Variants in ATP2B1 observed in about 807,000 individuals in gnomAD.
ATP2B1 encodes the protein plasma membrane calcium-transporting ATPase 1.
ATP2B1 carries 14 observed loss-of-function variants against 124.2 expected under a neutral mutation model. The ratio of observed to expected loss-of-function variants is 0.11; its 90% CI spans 0.07 to 0.18. ATP2B1 has a LOEUF of 0.18. Among genes scored for constraint, ATP2B1 ranks in the 10% least tolerant of loss-of-function variants. The pLI is 1.00. For missense variants in ATP2B1, 763 were observed against 1,466.1 expected, an observed-to-expected ratio of 0.52 and a Z score of 7.83; for synonymous variants, 449 against 492.4, an observed-to-expected ratio of 0.91 and a Z score of 1.17.
chr12:89,699,687 T>C (rs1891587879), intron 1 of ATP2B1, among the ~76,000 whole-genome samples: 1 of 152,124 alleles, frequency 6.6e-6, no homozygotes, highest in Non-Finnish European at 1.5e-5. Flanking sequence ...GTCCTTAACA[T>C]ATCATGGAGT....
At chr12:89,614,113 G>GA (rs1369573272) in intron 12 of ATP2B1, among the ~76,000 whole-genome samples, 3 of 152,178 alleles carry the variant, frequency 2.0e-5, no homozygotes, top group African/African-American at 7.2e-5. Context: ...TCCAAAGAAT[G>GA]AAAGTTGCAG....
At chr12:89,694,804 C>G (rs1184959251) in intron 1 of ATP2B1, among the ~76,000 whole-genome samples, 7 of 152,102 alleles carry the variant, frequency 4.6e-5, no homozygotes, top group Non-Finnish European at 1.0e-4. Flanking sequence ...CGCCTGTAAT[C>G]CCAGCACTTT....
At position 89,603,998 on chromosome 12, in the gene ATP2B1, G is replaced by T; in HGVS notation, c.2635-73C>A. On this transcript the variant is annotated intron_variant, in intron 16 of 20. Coordinates refer to ENST00000428670, the MANE Select transcript of ATP2B1 (RefSeq NM_001366521.1). This position sits in a 1 kb window ranked among gnomAD's most constrained non-coding sequence, Gnocchi z 4.3. Reference sequence around the variant, plus strand: ...TCAGCAATTCTCAGGAAACCTTTAGGGTTTAAAAACTTGAGAAACAGAACA... The same window carrying T: ...TCAGCAATTCTCAGGAAACCTTTAGTGTTTAAAAACTTGAGAAACAGAACA... 1.3e-6 allele frequency: 2 copies of T among 1,495,926 alleles called. No homozygotes were observed. The highest frequency in any genetic ancestry group is 1.2e-5 in the South Asian group (1 of 80,134). The allele number at this position is 1,495,926 out of a possible 1,614,324, so 92.7% of individuals were successfully genotyped here. A position where few individuals can be genotyped will look rare whatever the true frequency, so the allele number is the denominator to read the frequency against.
rs367554417 is a variant in ATP2B1, at chr12:89,619,618, T to TAAAAAAAAAA, written c.1829+371_1829+380dup. Among the ~76,000 whole-genome samples the TAAAAAAAAAA allele has an allele frequency of 2.1e-4, 26 of 122,808 alleles. 1 individual carries two copies. The highest frequency in any genetic ancestry group is 7.8e-3 in the Middle Eastern group (2 of 256). The allele number at this position is 122,808 out of a possible 152,430, so 80.6% of individuals were successfully genotyped here. ...ACAGGGAAACTCCACCTTAAACAAA[T>TAAAAAAAAAA]AAAAAAAAAAAAAAAAAGAAAGAAA... On this transcript the variant is annotated intron_variant, in intron 11 of 20. Transcript: ENST00000428670.
chr12:89,677,971 T>TATATATATATATACATATATATAC (rs1461216851), intron 1 of ATP2B1, among the ~76,000 whole-genome samples: 1 of 52,308 alleles, frequency 1.9e-5, no homozygotes, highest in Non-Finnish European at 4.0e-5. Context: ...TATATATATA[T>TATATATATATATACATATATATAC]ACACACACAC....
At chr12:89,676,367 A>G (rs1196273614) in intron 1 of ATP2B1, among the ~76,000 whole-genome samples, 4 of 152,180 alleles carry the variant, frequency 2.6e-5, no homozygotes, top group African/African-American at 9.7e-5. Flanking sequence ...GCAGCATCAG[A>G]TACAACTGCA....
intron 1 of ATP2B1, among the ~76,000 whole-genome samples, chr12:89,687,732 A>G (rs1168405509): frequency 6.6e-6 from 1 of 152,168 alleles, no homozygotes; most frequent in African/African-American, 2.4e-5. Context: ...ACATGGGATT[A>G]AAATAAATGC....
intron 2 of ATP2B1, 168 bp downstream of exon 2, chr12:89,655,511 T>A: frequency 4.6e-6 from 3 of 648,376 alleles, no homozygotes; most frequent in Non-Finnish European, 7.9e-6. Context: ...TATGTGTTAA[T>A]ATAAAAATAC....
intron 10 of ATP2B1, 136 bp from the exon 11 acceptor site, chr12:89,620,376 T>C (rs1879761503): frequency 1.7e-6 from 2 of 1,158,344 alleles, no homozygotes; most frequent in South Asian, 1.7e-5. Flanking sequence ...AAGAAGGATA[T>C]AGAAAAGTAA....
intron 3 of ATP2B1, among the ~76,000 whole-genome samples, chr12:89,638,995 C>A (rs577711558): frequency 6.6e-6 from 1 of 152,240 alleles, no homozygotes; most frequent in East Asian, 1.9e-4. Context: ...AGTTTGAGAA[C>A]TCCTGTTAAG....
chr12:89,617,107 A>G lies in ATP2B1; in HGVS notation c.1830-68T>C, dbSNP rs1380365671. ...ATAATGGTTAATGCCATTTAAGTGA[A>G]CTGGCAGGCCTAGAAATCATGGGAT... On this transcript the variant is annotated intron_variant, in intron 11 of 20. Transcript: ENST00000428670. 12 of 1,202,602 alleles carry G rather than the reference A, an allele frequency of 1.0e-5. No individual in the cohort carries two copies. The Admixed American group carries it at 2.1e-4, about 21-fold the overall frequency. 74.5% of individuals were successfully genotyped at this position (1,202,602 alleles called of 1,614,324 possible).
intron 1 of ATP2B1, among the ~76,000 whole-genome samples, chr12:89,693,599 T>C (rs1344351093): frequency 2.6e-5 from 1 of 38,368 alleles, no homozygotes; most frequent in South Asian, 2.1e-3. Context: ...TCTTATTTTT[T>C]ACTTTAAAAA....
intron 13 of ATP2B1, 64 bp from the exon 14 acceptor site, chr12:89,610,572 C>CT (rs1395322056): frequency 6.1e-6 from 8 of 1,319,682 alleles, no homozygotes; most frequent in Middle Eastern, 1.9e-4. Context: ...AATGAGCTAT[C>CT]TGGCATATTT....
chr12:89,694,592 G>A (rs945632292), intron 1 of ATP2B1, among the ~76,000 whole-genome samples: 1 of 152,132 alleles, frequency 6.6e-6, no homozygotes, highest in African/African-American at 2.4e-5. Flanking sequence ...TAAATCTAGG[G>A]CCACAGGTAT....
intron 1 of ATP2B1, among the ~76,000 whole-genome samples, chr12:89,689,554 A>C (rs1471275611): frequency 6.6e-6 from 1 of 152,080 alleles, no homozygotes; most frequent in South Asian, 2.1e-4. Context: ...ATGCACTAAC[A>C]ACCATCATGC....
rs1461216851 is a variant in ATP2B1, at chr12:89,677,971, T to TATATATATATATATATAC, written c.-221-21865_-221-21864insGTATATATATATATATAT. Reference sequence around the variant, plus strand: ...TGCAGGAATTATATATATATATATATACACACACACACACACACACACACA... The same window carrying TATATATATATATATATAC: ...TGCAGGAATTATATATATATATATATATATATATATATATATACACACACACACACACACACACACACA... On this transcript the variant is annotated intron_variant, in intron 1 of 20. Coordinates refer to ENST00000428670, the MANE Select transcript of ATP2B1 (RefSeq NM_001366521.1). Among the ~76,000 whole-genome samples the TATATATATATATATATAC allele has an allele frequency of 3.7e-3, 191 of 52,288 alleles. 1 individual carries two copies. The highest frequency in any genetic ancestry group is 0.012 in the African/African-American group (176 of 14,266). The allele number at this position is 52,288 out of a possible 152,430, so 34.3% of individuals were successfully genotyped here.
At chr12:89,616,492 G>A (rs117570978) in intron 12 of ATP2B1, among the ~76,000 whole-genome samples, 1,616 of 152,216 alleles carry the variant, frequency 0.011, 14 homozygotes, top group Admixed American at 0.017. Context: ...TCTAGAGACT[G>A]TGAAAACAAA....
intron 20 of ATP2B1, chr12:89,593,295 A>G (rs1592689159): frequency 6.6e-6 from 1 of 152,072 alleles, no homozygotes; most frequent in Admixed American, 6.6e-5. Flanking sequence ...ACTTTCTAAA[A>G]AAAAATTTGT....
intron 18 of ATP2B1, among the ~76,000 whole-genome samples, chr12:89,602,322 T>C (rs1876014616): frequency 6.6e-6 from 1 of 152,174 alleles, no homozygotes; most frequent in Admixed American, 6.5e-5. Context: ...TTCACCCTCC[T>C]GTGAGTCTGA....
Sources: allele counts gnomAD v4.1 joint callset (sites outside exome capture counted in the v4.1 genomes callset), GRCh38; gene constraint gnomAD v4.1.1; non-coding constraint Gnocchi (gnomAD v3.1); transcripts MANE v1.5; gene names NCBI Gene and HGNC (gene_info 2026-07-23, HGNC 2026-07-21).